The following CNTNAP2 variants were observed in gnomAD, a reference collection of about 807,000 sequenced individuals.
CNTNAP2 encodes contactin-associated protein-like 2.
A neutral mutation model predicts 155.2 loss-of-function variants in CNTNAP2; 98 were observed. The ratio of observed to expected loss-of-function variants is 0.63; its 90% CI spans 0.54 to 0.75. The LOEUF (loss-of-function observed/expected upper bound fraction) is 0.75. CNTNAP2 is among the 30% of genes least tolerant of loss of function. The pLI is 0.00. For synonymous variants in CNTNAP2, 651 were observed against 631.2 expected (o/e 1.03, Z -0.47); for missense variants, 1,727 against 1,688.1 (o/e 1.02, Z -0.40).
At chr7:148,000,521 T>C (rs1339194268) in intron 15 of CNTNAP2, among the ~76,000 whole-genome samples, 1 of 152,126 alleles carries the variant, frequency 6.6e-6, no homozygotes, top group Non-Finnish European at 1.5e-5. Flanking sequence ...GTGAAAACCA[T>C]GATAGAGATT....
chr7:146,640,930 C>G (rs1287636631), intron 1 of CNTNAP2, among the ~76,000 whole-genome samples: 1 of 152,172 alleles, frequency 6.6e-6, no homozygotes, highest in Admixed American at 6.5e-5. Flanking sequence ...CGAACAGGGT[C>G]TATCTATTAA....
At chr7:148,333,452 T>A (rs112876781) in intron 21 of CNTNAP2, among the ~76,000 whole-genome samples, 4 of 152,002 alleles carry the variant, frequency 2.6e-5, no homozygotes, top group Non-Finnish European at 4.4e-5. Flanking sequence ...AAACACTCAT[T>A]TTTTAGGTGA....
intron 1 of CNTNAP2, among the ~76,000 whole-genome samples, chr7:146,505,369 G>A (rs1797367749): frequency 6.6e-6 from 1 of 152,148 alleles, no homozygotes; most frequent in Admixed American, 6.5e-5. Flanking sequence ...TGCCCTTCAG[G>A]CAAAATACAG....
chr7:146,968,577 G>A (rs984207425), intron 3 of CNTNAP2, among the ~76,000 whole-genome samples: 7 of 151,996 alleles, frequency 4.6e-5, no homozygotes, highest in Non-Finnish European at 8.8e-5. Flanking sequence ...ATTTCTTCTA[G>A]ATTTTCTAGT....
intron 1 of CNTNAP2, among the ~76,000 whole-genome samples, chr7:146,420,843 G>T (rs1356439893): frequency 6.6e-6 from 1 of 152,064 alleles, no homozygotes; most frequent in Non-Finnish European, 1.5e-5. Context: ...AGTGATGTTA[G>T]TAGCAATTTG....
chr7:147,824,214 C>T (rs1798409656), intron 13 of CNTNAP2, among the ~76,000 whole-genome samples: 1 of 152,104 alleles, frequency 6.6e-6, no homozygotes, highest in Admixed American at 6.6e-5. Context: ...TTTCCGGTTT[C>T]TGGAATTCTT....
intron 3 of CNTNAP2, among the ~76,000 whole-genome samples, chr7:147,035,869 A>C (rs1799143856): frequency 1.8e-5 from 2 of 113,372 alleles, no homozygotes. Flanking sequence ...AAATTTGAGA[A>C]AAAAAAAATG....
intron 11 of CNTNAP2, among the ~76,000 whole-genome samples, chr7:147,532,591 A>G (rs1054266564): frequency 5.9e-5 from 9 of 152,162 alleles, no homozygotes; most frequent in African/African-American, 2.2e-4. Context: ...CTCTACTGCT[A>G]CCAATTTACT....
chr7:146,861,488 A>C (rs1795099400), intron 3 of CNTNAP2, among the ~76,000 whole-genome samples: 1 of 152,310 alleles, frequency 6.6e-6, no homozygotes, highest in African/African-American at 2.4e-5. Flanking sequence ...AGAATAAAGT[A>C]TTATACTAAT....
chr7:148,143,662 G>A (rs1805118081), intron 16 of CNTNAP2, among the ~76,000 whole-genome samples: 1 of 152,150 alleles, frequency 6.6e-6, no homozygotes, highest in African/African-American at 2.4e-5. Flanking sequence ...CTGGGTGACA[G>A]AACAAGACCC....
Position 148,147,593 on chromosome 7 carries a change from C to T in CNTNAP2, c.2657C>T (p.Thr886Ile), listed in dbSNP as rs1159658259. 1.2e-6 allele frequency: 2 copies of T among 1,614,100 alleles called. No homozygotes were observed. The highest frequency in any genetic ancestry group is 1.7e-6 in the Non-Finnish European group (2 of 1,180,020). Residue 886 changes from threonine to isoleucine, a missense_variant, in exon 17 of 24, where the codon ACT (threonine) becomes ATT (isoleucine). Transcript: ENST00000361727. Reference protein sequence around the residue: ...PLNDDQWHRVTAERNVKQASL... With the variant: ...PLNDDQWHRVIAERNVKQASL... ...AACGATGACCAGTGGCACCGGGTCA[C>T]TGCAGAGAGGAATGTCAAGCAGGCC...
chr7:146,153,536 G>A (rs1467839628), intron 1 of CNTNAP2, among the ~76,000 whole-genome samples: 1 of 152,174 alleles, frequency 6.6e-6, no homozygotes, highest in Non-Finnish European at 1.5e-5. Context: ...AAAACCACTA[G>A]TGGGTTAGCA....
intron 20 of CNTNAP2, among the ~76,000 whole-genome samples, chr7:148,251,102 C>G (rs1388563135): frequency 6.6e-6 from 1 of 152,180 alleles, no homozygotes; most frequent in East Asian, 1.9e-4. Flanking sequence ...CCAAACTTTA[C>G]AGCTCCAAGG....
chr7:146,401,127 A>G (rs1795707782), intron 1 of CNTNAP2, among the ~76,000 whole-genome samples: 1 of 152,194 alleles, frequency 6.6e-6, no homozygotes, highest in Non-Finnish European at 1.5e-5. Flanking sequence ...TAGGACTACA[A>G]AAAATACTAC....
intron 13 of CNTNAP2, among the ~76,000 whole-genome samples, chr7:147,830,095 T>C (rs1798523424): frequency 6.6e-6 from 1 of 151,390 alleles, no homozygotes; most frequent in Non-Finnish European, 1.5e-5. Flanking sequence ...GGGCATTCAA[T>C]ACATATGTGA....
intron 3 of CNTNAP2, among the ~76,000 whole-genome samples, chr7:146,973,609 A>T (rs1044746879): frequency 1.3e-5 from 2 of 152,210 alleles, no homozygotes; most frequent in African/African-American, 2.4e-5. Context: ...CCATCATGAG[A>T]CATATTCCAA....
At chr7:146,844,967 T>C (rs1363099484) in intron 3 of CNTNAP2, among the ~76,000 whole-genome samples, 2 of 152,146 alleles carry the variant, frequency 1.3e-5, no homozygotes, top group South Asian at 2.1e-4. Flanking sequence ...TAGATACTTA[T>C]CAAGAATATA....
rs149588983 is a variant in CNTNAP2 at position 147,120,138 on chromosome 7, C to T, written c.755-841C>T. ...GCCATTAACAATTGCATATTGTTCT[C>T]TTTACAACAATGTCTTTTGGAGTCA... On this transcript the variant is annotated intron_variant, in intron 5 of 23. Transcript: ENST00000361727. 6.7e-3 allele frequency among the ~76,000 whole-genome samples: 1,023 copies of T among 152,194 alleles called. 8 individuals carry two copies. The highest frequency in any genetic ancestry group is 0.023 in the African/African-American group (944 of 41,508).
intron 1 of CNTNAP2, among the ~76,000 whole-genome samples, chr7:146,299,273 A>G (rs1800565671): frequency 6.6e-6 from 1 of 152,212 alleles, no homozygotes; most frequent in Non-Finnish European, 1.5e-5. Context: ...CTCCATCTAA[A>G]AAAATAAAAA....
Sources: allele counts gnomAD v4.1 joint callset (sites outside exome capture counted in the v4.1 genomes callset), GRCh38; gene constraint gnomAD v4.1.1; transcripts MANE v1.5; gene names NCBI Gene and HGNC (gene_info 2026-07-23, HGNC 2026-07-21).